Variants in HSF5 observed in about 807,000 individuals in gnomAD.
HSF5 encodes heat shock transcription factor 5.
A neutral mutation model predicts 50.8 loss-of-function variants in HSF5; 5 were observed. That is an observed-to-expected ratio of 0.10 (90% CI 0.05 to 0.21). The LOEUF (loss-of-function observed/expected upper bound fraction) is 0.21. Among genes scored for constraint, HSF5 ranks in the 10% least tolerant of loss-of-function variants. The probability of loss-of-function intolerance (pLI) is 1.00; values close to 1 mark genes in which losing one functional copy is unlikely to be tolerated. For missense variants in HSF5, 564 were observed against 762.6 expected (o/e 0.74, Z 3.07); for synonymous variants, 307 against 307.4 (o/e 1.00, Z 0.02).
intron 4 of HSF5, 85 bp from the exon 5 acceptor site, chr17:58,459,030 A>G: frequency 8.4e-7 from 1 of 1,190,158 alleles, no homozygotes; most frequent in Non-Finnish European, 1.2e-6. Context: ...GAGTTCTATT[A>G]TGGGAACATG....
chr17:58,429,723 G>A (rs1414770457), intron 5 of HSF5, among the ~76,000 whole-genome samples: 1 of 149,756 alleles, frequency 6.7e-6, no homozygotes, highest in African/African-American at 2.5e-5. Context: ...GCGGGCGCCT[G>A]TAATCCCAGC....
At chr17:58,437,484 G>A (rs1014519381) in intron 5 of HSF5, among the ~76,000 whole-genome samples, 12 of 152,018 alleles carry the variant, frequency 7.9e-5, no homozygotes, top group East Asian at 1.9e-4. Context: ...AAAATTTCCC[G>A]TAATCCTATT....
chr17:58,453,236 C>A (rs2632507), intron 5 of HSF5, among the ~76,000 whole-genome samples: 28,064 of 151,806 alleles, frequency 0.18, 2,676 homozygotes, highest in Middle Eastern at 0.23. Flanking sequence ...AACACAACAA[C>A]AAAAAAAGAA....
chr17:58,450,514 G>A (rs924097306), intron 5 of HSF5, among the ~76,000 whole-genome samples: 1 of 152,026 alleles, frequency 6.6e-6, no homozygotes, highest in Admixed American at 6.6e-5. Flanking sequence ...AGCACTTTGG[G>A]AGGCTGAGGC....
rs563054614 is a variant in HSF5, at chr17:58,468,233, A to G, written c.926-1254T>C. On this transcript the variant is annotated intron_variant, in intron 2 of 5. Transcript: ENST00000323777. Reference sequence around the variant, plus strand: ...GGCAACACGGTGAAACCCCGTCTCTACAAAAAATACAAAAAACAGCCAGGC... The same window carrying G: ...GGCAACACGGTGAAACCCCGTCTCTGCAAAAAATACAAAAAACAGCCAGGC... 9.2e-5 allele frequency among the ~76,000 whole-genome samples: 14 copies of G among 152,248 alleles called. No homozygotes were observed. In the South Asian group the frequency reaches 1.7e-3, roughly 18 times the overall value.
In HSF5 at chr17:58,420,196, CTGAT is replaced by C. The variant is rs1184878175; in HGVS notation, c.*2160_*2163del. 6.6e-6 allele frequency: 1 copy of C among 152,218 alleles called. No individual in the cohort carries two copies. Among genetic ancestry groups the C allele is most frequent in the Non-Finnish European group, 1.5e-5 (1 of 68,024 alleles). 9.4% of individuals were successfully genotyped at this position (152,218 alleles called of 1,614,324 possible). A position where few individuals can be genotyped will look rare whatever the true frequency, so the allele number is the denominator to read the frequency against. On this transcript the variant is annotated 3_prime_UTR_variant, in exon 6 of 6. Transcript: ENST00000323777. Reference sequence around the variant, plus strand: ...GTTGGAACACTCACTTTATTGTTGACTGATTGAAATTTATCAGTGCTTAAGGTGC... The same window carrying C: ...GTTGGAACACTCACTTTATTGTTGACTGAAATTTATCAGTGCTTAAGGTGC...
intron 2 of HSF5, among the ~76,000 whole-genome samples, chr17:58,467,310 GAAATTCCA>G (rs1974880683): frequency 6.6e-6 from 1 of 152,108 alleles, no homozygotes; most frequent in Admixed American, 6.5e-5. Context: ...GGAATATATT[GAAATTCCA>G]AAATAAGTAT....
At position 58,421,812 on chromosome 17, in the gene HSF5, C is replaced by T. The variant is rs979338366; in HGVS notation, c.*548G>A. The stretch of plus-strand genomic sequence containing the variant: ...GCTGGGTTAGGAAGTAAGAGAATTT[C>T]CTGGTTAATCACTTAGAAAATTAGC... On this transcript the variant is annotated 3_prime_UTR_variant, in exon 6 of 6. Transcript: ENST00000323777. The T allele has an allele frequency of 6.6e-6, 1 of 152,580 alleles. No homozygotes were observed. Among genetic ancestry groups the T allele is most frequent in the Non-Finnish European group, 1.5e-5 (1 of 68,064 alleles). The allele number at this position is 152,580 out of a possible 1,614,324, so 9.5% of individuals were successfully genotyped here. A position where few individuals can be genotyped will look rare whatever the true frequency, so the allele number is the denominator to read the frequency against.
Position 58,488,174 on chromosome 17 carries a change from C to A in HSF5, c.101G>T (p.Gly34Val). The A allele has an allele frequency of 6.5e-7, 1 of 1,531,150 alleles. No individual in the cohort carries two copies. Among genetic ancestry groups the A allele is most frequent in the Non-Finnish European group, 8.7e-7 (1 of 1,152,566 alleles). 94.8% of individuals were successfully genotyped at this position (1,531,150 alleles called of 1,614,324 possible). A position where few individuals can be genotyped will look rare whatever the true frequency, so the allele number is the denominator to read the frequency against. The stretch of plus-strand genomic sequence containing the variant: ...ATCGATAAGCAGCCCCTCGCCGCGG[C>A]CGTCCCAGCGGATGGAGCGGTAGCG... ...SPRYRSIRWDGRGEGLLIDQP... is the reference protein window; with the variant it reads ...SPRYRSIRWDVRGEGLLIDQP... Residue 34 changes from glycine (G) to valine (V), a missense_variant, in exon 1 of 6, where the codon GGC (glycine) becomes GTC (valine). By Grantham distance (109) the Gly-to-Val change is moderately radical. Coordinates refer to ENST00000323777, the MANE Select transcript of HSF5 (RefSeq NM_001080439.3). The surrounding 1 kb of genome is among the most constrained non-coding windows in gnomAD (Gnocchi z 4.1).
At chr17:58,487,227 A>C (rs1975196960) in intron 1 of HSF5, among the ~76,000 whole-genome samples, 1 of 152,056 alleles carries the variant, frequency 6.6e-6, no homozygotes, top group African/African-American at 2.4e-5. Context: ...AATTCTCTTG[A>C]CTACGATTTT....
At chr17:58,484,117 A>T (rs146361954) in intron 1 of HSF5, among the ~76,000 whole-genome samples, 1 of 152,268 alleles carries the variant, frequency 6.6e-6, no homozygotes, top group East Asian at 1.9e-4. Context: ...CTGAACCAGT[A>T]ACACAATTCC....
chr17:58,456,262 G>A (rs1974712418), intron 5 of HSF5, among the ~76,000 whole-genome samples: 1 of 151,596 alleles, frequency 6.6e-6, no homozygotes. Context: ...GTCATTTTTG[G>A]CAACATAGGT....
At position 58,466,909 on chromosome 17, in the gene HSF5, G is replaced by A. The variant is rs1974875071; in HGVS notation, c.996C>T (p.Ser332=). 1.9e-6 allele frequency: 3 copies of A among 1,606,272 alleles called. No individual in the cohort carries two copies. The highest frequency in any genetic ancestry group is 2.2e-5 in the South Asian group (2 of 90,930). ...LSSCVTPTAS[S]YAHCNYFQNP... Reference sequence around the variant, plus strand: ...CCTGGAAGTAGTTGCAGTGTGCATAGGAAGAGGCAGTGGGAGTGACACAAC... The same window carrying A: ...CCTGGAAGTAGTTGCAGTGTGCATAAGAAGAGGCAGTGGGAGTGACACAAC... The change falls in exon 3 of 6, where the codon TCC becomes TCT. Residue 332 remains serine, a synonymous_variant. Transcript: ENST00000323777.
chr17:58,475,054 A>T (rs1974993964), intron 2 of HSF5, among the ~76,000 whole-genome samples: 1 of 152,206 alleles, frequency 6.6e-6, no homozygotes, highest in Non-Finnish European at 1.5e-5. Flanking sequence ...TACTTCATGT[A>T]ATTCCCTCCT....
intron 5 of HSF5, among the ~76,000 whole-genome samples, chr17:58,451,048 C>A (rs1974634321): frequency 6.6e-6 from 1 of 152,140 alleles, no homozygotes; most frequent in South Asian, 2.1e-4. Context: ...GGGATTGTGC[C>A]ACCACACTCT....
intron 2 of HSF5, among the ~76,000 whole-genome samples, chr17:58,467,816 G>A (rs772671983): frequency 5.3e-5 from 8 of 152,180 alleles, no homozygotes; most frequent in Non-Finnish European, 1.2e-4. Flanking sequence ...CTTGGTACTA[G>A]CAAAGTTACT....
chr17:58,485,110 A>T (rs1975151557), intron 1 of HSF5, among the ~76,000 whole-genome samples: 1 of 151,664 alleles, frequency 6.6e-6, no homozygotes, highest in Non-Finnish European at 1.5e-5. Context: ...ACCCGCCACC[A>T]CGCCCAGCTA....
At chr17:58,425,588 A>AC in intron 5 of HSF5, among the ~76,000 whole-genome samples, 1 of 150,848 alleles carries the variant, frequency 6.6e-6, no homozygotes, top group South Asian at 2.1e-4. Context: ...AAAAAAAAAA[A>AC]AAAAAAAAAA....
intron 5 of HSF5, among the ~76,000 whole-genome samples, chr17:58,457,269 A>AAAT (rs1159494865): frequency 3.3e-5 from 5 of 150,606 alleles, no homozygotes; most frequent in Admixed American, 1.3e-4. Flanking sequence ...CAGAAAAAAA[A>AAAT]AATAATAATA....
Sources: gnomAD v4.1 joint callset for allele counts (sites outside exome capture counted in the v4.1 genomes callset) on GRCh38, gnomAD v4.1.1 for gene constraint, Gnocchi (gnomAD v3.1) non-coding constraint, MANE v1.5 for transcripts, NCBI Gene and HGNC (gene_info 2026-07-23, HGNC 2026-07-21) for gene names.